KCTD16: variants seen among roughly 807,000 people sequenced by gnomAD.
KCTD16 encodes BTB/POZ domain-containing protein KCTD16.
KCTD16 carries 13 observed loss-of-function variants against 33.2 expected under a neutral mutation model. The observed-to-expected ratio is 0.39, with a 90% CI of 0.25 to 0.62. The LOEUF (loss-of-function observed/expected upper bound fraction) is 0.62, where lower values mean the gene tolerates loss of function less well. Ranked by LOEUF, KCTD16 falls within the 20% of genes least tolerant of loss-of-function variation. The pLI, the probability that KCTD16 is intolerant of heterozygous loss-of-function variation, is 0.50. For missense variants in KCTD16, 441 were observed against 525.1 expected (o/e 0.84, Z 1.57); for synonymous variants, 197 against 195.3 (o/e 1.01, Z -0.07).
chr5:144,294,144 G>A (rs1041400544), intron 3 of KCTD16, among the ~76,000 whole-genome samples: 6 of 150,114 alleles, frequency 4.0e-5, no homozygotes, highest in African/African-American at 1.2e-4. Flanking sequence ...GAATGACAGA[G>A]TGAGACTCTG....
intron 3 of KCTD16, among the ~76,000 whole-genome samples, chr5:144,273,992 TTTATG>T (rs1439829193): frequency 1.3e-5 from 2 of 149,920 alleles, no homozygotes; most frequent in Non-Finnish European, 3.0e-5. Context: ...TAATAATATT[TTTATG>T]TTATGTGTAT....
chr5:144,421,427 G>A (rs1415385176), intron 3 of KCTD16, among the ~76,000 whole-genome samples: 1 of 152,086 alleles, frequency 6.6e-6, no homozygotes, highest in Non-Finnish European at 1.5e-5. Context: ...ATTTATAAAG[G>A]AGACTGCGGC....
chr5:144,270,570 AAC>A (rs1444867917), intron 3 of KCTD16, among the ~76,000 whole-genome samples: 1 of 151,740 alleles, frequency 6.6e-6, no homozygotes, highest in Non-Finnish European at 1.5e-5. Context: ...TACAGCTATA[AAC>A]ACAGTAAAAA....
In KCTD16 at chr5:144,484,034, T is replaced by G. The variant is rs148081387; in HGVS notation, c.*9920T>G. ...GACGTTTTACATCATCCTAACTTCA[T>G]GTTCCTCTGTCATTTTATTTTATTT... On this transcript the variant is annotated 3_prime_UTR_variant, in exon 4 of 4. Coordinates refer to ENST00000512467, the MANE Select transcript of KCTD16 (RefSeq NM_020768.4). 6.6e-6 allele frequency: 1 copy of G among 151,968 alleles called. No individual in the cohort carries two copies. Among genetic ancestry groups the G allele is most frequent in the African/African-American group, 2.4e-5 (1 of 41,430 alleles). The allele number at this position is 151,968 out of a possible 1,614,324, so 9.4% of individuals were successfully genotyped here.
intron 2 of KCTD16, among the ~76,000 whole-genome samples, chr5:144,189,671 C>G (rs1752802717): frequency 6.6e-6 from 1 of 152,100 alleles, no homozygotes; most frequent in South Asian, 2.1e-4. Context: ...TATAATTTTC[C>G]TTTCTGAGTA....
intron 3 of KCTD16, among the ~76,000 whole-genome samples, chr5:144,317,070 C>A (rs1224302157): frequency 2.6e-5 from 4 of 151,230 alleles, no homozygotes; most frequent in Non-Finnish European, 4.4e-5. Context: ...TCGTGATCTG[C>A]CCGCCTCAGC....
At chr5:144,268,013 G>A (rs1432149240) in intron 3 of KCTD16, among the ~76,000 whole-genome samples, 2 of 152,176 alleles carry the variant, frequency 1.3e-5, no homozygotes, top group Non-Finnish European at 2.9e-5. Flanking sequence ...TGTGTTTGAT[G>A]TAATAATTTT....
intron 3 of KCTD16, among the ~76,000 whole-genome samples, chr5:144,400,101 A>G (rs1752668975): frequency 6.6e-6 from 1 of 152,212 alleles, no homozygotes; most frequent in South Asian, 2.1e-4. Context: ...GGTTTATAAT[A>G]AAAGAAATTT....
intron 3 of KCTD16, among the ~76,000 whole-genome samples, chr5:144,350,546 G>C (rs1298830414): frequency 6.6e-6 from 1 of 151,998 alleles, no homozygotes; most frequent in Admixed American, 6.6e-5. Flanking sequence ...TGCCTCTCTT[G>C]GCTGCAGTAA....
chr5:144,406,586 C>T (rs1026537514), intron 3 of KCTD16, among the ~76,000 whole-genome samples: 4 of 152,046 alleles, frequency 2.6e-5, no homozygotes, highest in Admixed American at 6.6e-5. Flanking sequence ...CGAGATGCAC[C>T]GGTTATGGTT....
intron 1 of KCTD16, among the ~76,000 whole-genome samples, chr5:144,172,868 A>G (rs1481645168): frequency 1.3e-5 from 2 of 152,228 alleles, no homozygotes; most frequent in African/African-American, 4.8e-5. Flanking sequence ...GGTTAAAAAA[A>G]TTCTAGTCTC....
At chr5:144,352,081 T>C (rs1000262450) in intron 3 of KCTD16, among the ~76,000 whole-genome samples, 1 of 152,216 alleles carries the variant, frequency 6.6e-6, no homozygotes, top group African/African-American at 2.4e-5. Flanking sequence ...TTAAATAGCT[T>C]GATTTAGCTA....
At chr5:144,353,082 C>A (rs1203979683) in intron 3 of KCTD16, among the ~76,000 whole-genome samples, 1 of 152,204 alleles carries the variant, frequency 6.6e-6, no homozygotes, top group Non-Finnish European at 1.5e-5. Flanking sequence ...CCAGGGCTAA[C>A]GTTTGCCACC....
intron 3 of KCTD16, among the ~76,000 whole-genome samples, chr5:144,410,119 G>A (rs1444898652): frequency 6.6e-6 from 1 of 152,146 alleles, no homozygotes; most frequent in Non-Finnish European, 1.5e-5. Flanking sequence ...AGAATGGCTG[G>A]ATCAGAGGTT....
chr5:144,431,227 C>T (rs1237772231), intron 3 of KCTD16, among the ~76,000 whole-genome samples: 4 of 152,150 alleles, frequency 2.6e-5, no homozygotes, highest in African/African-American at 9.7e-5. Flanking sequence ...ATCCATTTAA[C>T]ATGTTTAGTC....
chr5:144,187,463 C>G (rs557863398), intron 2 of KCTD16, among the ~76,000 whole-genome samples: 119 of 151,120 alleles, frequency 7.9e-4, no homozygotes, highest in African/African-American at 2.8e-3. Flanking sequence ...CACACACATA[C>G]ACACAGGGGG....
chr5:144,234,847 C>G (rs1358247271), intron 3 of KCTD16, among the ~76,000 whole-genome samples: 1 of 151,926 alleles, frequency 6.6e-6, no homozygotes, highest in Non-Finnish European at 1.5e-5. Flanking sequence ...AGTCCTGCCC[C>G]CTTCCACAGA....
chr5:144,310,807 C>T (rs1362256233), intron 3 of KCTD16, among the ~76,000 whole-genome samples: 1 of 152,036 alleles, frequency 6.6e-6, no homozygotes, highest in African/African-American at 2.4e-5. Context: ...GAAAATTACC[C>T]AAACTGAAAT....
At chr5:144,290,155 C>T (rs1421075970) in intron 3 of KCTD16, among the ~76,000 whole-genome samples, 1 of 151,882 alleles carries the variant, frequency 6.6e-6, no homozygotes, top group African/African-American at 2.4e-5. Context: ...ATTATCCAGG[C>T]AAGGAGGCGC....
Sources: allele counts gnomAD v4.1 joint callset (sites outside exome capture counted in the v4.1 genomes callset), GRCh38; gene constraint gnomAD v4.1.1; transcripts MANE v1.5; gene names NCBI Gene and HGNC (gene_info 2026-07-23, HGNC 2026-07-21).